Variants in NDUFA5 observed in about 807,000 individuals in gnomAD.
NDUFA5 encodes NADH dehydrogenase [ubiquinone] 1 alpha subcomplex subunit 5.
Under a neutral mutation model 19.8 loss-of-function variants are expected in NDUFA5, and 11 were observed. That is an observed-to-expected ratio of 0.56 (90% CI 0.35 to 0.92). NDUFA5 has a LOEUF of 0.92. Among genes scored for constraint, NDUFA5 ranks in the 40% least tolerant of loss-of-function variants. The pLI, the probability that NDUFA5 is intolerant of heterozygous loss-of-function variation, is 0.01. For synonymous variants in NDUFA5, 47 were observed against 46.8 expected (o/e 1.00, Z -0.01); for missense variants, 109 against 134.2 (o/e 0.81, Z 0.93).
chr7:123,592,996 G>A, the NDUFA5 span, among the ~76,000 whole-genome samples: 2 of 152,174 alleles, frequency 1.3e-5, no homozygotes, highest in South Asian at 4.2e-4. Context: ...AGTTCTTCCT[G>A]TTGAATTGAT....
chr7:123,546,405 T>C (rs1229631360), intron 3 of NDUFA5, among the ~76,000 whole-genome samples: 1 of 152,214 alleles, frequency 6.6e-6, no homozygotes, highest in African/African-American at 2.4e-5. Flanking sequence ...GCAAGGGTTT[T>C]GTTGTTCTGG....
At chr7:123,551,107 G>C (rs148918751) in intron 2 of NDUFA5, among the ~76,000 whole-genome samples, 2 of 151,786 alleles carry the variant, frequency 1.3e-5, no homozygotes, top group East Asian at 3.9e-4. Context: ...TGGTAGAGAC[G>C]GGGTTTTGCC....
chr7:123,594,199 T>G, the NDUFA5 span, among the ~76,000 whole-genome samples: 1 of 152,150 alleles, frequency 6.6e-6, no homozygotes, highest in East Asian at 1.9e-4. Flanking sequence ...TTCAAGGTTT[T>G]TAGCTTCCTT....
the NDUFA5 span, among the ~76,000 whole-genome samples, chr7:123,570,478 C>T: frequency 6.6e-6 from 1 of 151,856 alleles, no homozygotes; most frequent in African/African-American, 2.4e-5. Flanking sequence ...CATGTGATGC[C>T]TCCTTGAATG....
At chr7:123,585,593 A>G in the NDUFA5 span, among the ~76,000 whole-genome samples, 2 of 151,434 alleles carry the variant, frequency 1.3e-5, no homozygotes, top group Non-Finnish European at 3.0e-5. Context: ...GATTACCACA[A>G]CCAAGCTAAT....
chr7:123,590,074 T>A, the NDUFA5 span, among the ~76,000 whole-genome samples: 5 of 152,294 alleles, frequency 3.3e-5, no homozygotes, highest in African/African-American at 1.2e-4. Context: ...TGATCAGTGA[T>A]GGTGAGCATT....
At chr7:123,565,618 C>G in the NDUFA5 span, among the ~76,000 whole-genome samples, 1 of 152,194 alleles carries the variant, frequency 6.6e-6, no homozygotes, top group Non-Finnish European at 1.5e-5. Context: ...CGGTGGCTCA[C>G]GCCTGTAATC....
In NDUFA5 at chr7:123,539,776, A is replaced by G. The variant is rs1797866016; in HGVS notation, c.*2343T>C. On this transcript the variant is annotated 3_prime_UTR_variant, in exon 5 of 5. Transcript: ENST00000355749. Reference sequence around the variant, plus strand: ...CCTATCCCATTAACATAATCTGCCTATAACCTATATGCAGCTCTTTGCAGA... The same window carrying G: ...CCTATCCCATTAACATAATCTGCCTGTAACCTATATGCAGCTCTTTGCAGA... 6.6e-6 allele frequency: 1 copy of G among 152,234 alleles called. No homozygotes were observed. The highest frequency in any genetic ancestry group is 2.4e-5 in the African/African-American group (1 of 41,468). The allele number at this position is 152,234 out of a possible 1,614,324, so 9.4% of individuals were successfully genotyped here.
intron 4 of NDUFA5, among the ~76,000 whole-genome samples, chr7:123,542,834 T>C (rs1450370696): frequency 6.6e-6 from 1 of 152,190 alleles, no homozygotes; most frequent in Non-Finnish European, 1.5e-5. Context: ...TCAAATTATG[T>C]TTCATTTAAT....
chr7:123,548,416 G>A (rs1486219811), intron 3 of NDUFA5, among the ~76,000 whole-genome samples: 1 of 152,150 alleles, frequency 6.6e-6, no homozygotes, highest in African/African-American at 2.4e-5. Flanking sequence ...AGGTACAATG[G>A]AAAGGAGGTA....
chr7:123,544,620 T>C (rs1314065478), intron 4 of NDUFA5, among the ~76,000 whole-genome samples: 2 of 151,422 alleles, frequency 1.3e-5, no homozygotes, highest in Admixed American at 1.3e-4. Flanking sequence ...AAGGTTAATA[T>C]CTTTTATTAT....
In NDUFA5 at chr7:123,541,598, TTACA is replaced by T. The variant is rs1056407371; in HGVS notation, c.*517_*520del. ...TATAATTATCTATTTAAATTTCACT[TTACA>T]TACATAAGATCACAGCTGAGGTTAA... On this transcript the variant is annotated 3_prime_UTR_variant, in exon 5 of 5. Coordinates refer to ENST00000355749, the MANE Select transcript of NDUFA5 (RefSeq NM_005000.5). The T allele has an allele frequency of 1.3e-5, 2 of 152,216 alleles. No individual in the cohort carries two copies. Among genetic ancestry groups the T allele is most frequent in the Non-Finnish European group, 2.9e-5 (2 of 68,024 alleles). 9.4% of individuals were successfully genotyped at this position (152,216 alleles called of 1,614,324 possible).
At chr7:123,567,309 T>C in the NDUFA5 span, among the ~76,000 whole-genome samples, 3 of 151,756 alleles carry the variant, frequency 2.0e-5, no homozygotes, top group Non-Finnish European at 4.4e-5. Context: ...GCCAGAGGAG[T>C]AAATGTTCTT....
At position 123,537,967 on chromosome 7, in the gene NDUFA5, TAA is replaced by T. The variant is rs1797802666; in HGVS notation, c.*4150_*4151del. The T allele has an allele frequency of 6.6e-6, 1 of 152,242 alleles. No individual in the cohort carries two copies. The highest frequency in any genetic ancestry group is 1.5e-5 in the Non-Finnish European group (1 of 68,044). 9.4% of individuals were successfully genotyped at this position (152,242 alleles called of 1,614,324 possible). A position where few individuals can be genotyped will look rare whatever the true frequency, so the allele number is the denominator to read the frequency against. ...ACAGATGCCAATCATAAATTACATT[TAA>T]GTGTACCACAAAAAATTAGCTGCTA... is the stretch of plus-strand genomic sequence containing the variant. On this transcript the variant is annotated 3_prime_UTR_variant, in exon 5 of 5. Coordinates refer to ENST00000355749, the MANE Select transcript of NDUFA5 (RefSeq NM_005000.5).
chr7:123,561,340 C>T (rs1263283544), upstream of NDUFA5, among the ~76,000 whole-genome samples: 1 of 152,188 alleles, frequency 6.6e-6, no homozygotes, highest in Non-Finnish European at 1.5e-5. Context: ...AGTATCTTCA[C>T]CAGGAGTAGA....
the NDUFA5 span, among the ~76,000 whole-genome samples, chr7:123,581,430 A>G: frequency 3.3e-5 from 5 of 151,606 alleles, no homozygotes; most frequent in Admixed American, 1.3e-4. Flanking sequence ...AAAAAAAAAA[A>G]AAGGTACTCT....
intron 1 of NDUFA5, 114 bp downstream of exon 1, chr7:123,557,661 G>GA: frequency 1.9e-6 from 3 of 1,613,798 alleles, no homozygotes; most frequent in Non-Finnish European, 2.5e-6. Flanking sequence ...ACGAGTCCCC[G>GA]AAAAGCACCG....
chr7:123,581,218 T>G, the NDUFA5 span, among the ~76,000 whole-genome samples: 1 of 151,928 alleles, frequency 6.6e-6, no homozygotes, highest in African/African-American at 2.4e-5. Context: ...TGATACTTAC[T>G]AGATAGTAGA....
chr7:123,572,397 C>T, the NDUFA5 span, among the ~76,000 whole-genome samples: 1 of 151,744 alleles, frequency 6.6e-6, no homozygotes. Flanking sequence ...CCTCAGCCTC[C>T]GAAAGTACTG....
Sources: gnomAD v4.1 joint callset for allele counts (sites outside exome capture counted in the v4.1 genomes callset) on GRCh38, gnomAD v4.1.1 for gene constraint, MANE v1.5 for transcripts, NCBI Gene and HGNC (gene_info 2026-07-23, HGNC 2026-07-21) for gene names.